MAU2: variants seen among roughly 807,000 people sequenced by gnomAD.
The protein encoded by MAU2 is MAU2 chromatid cohesion factor homolog.
Under a neutral mutation model 89.1 loss-of-function variants are expected in MAU2, and 9 were observed. The observed-to-expected ratio is 0.10, with a 90% CI of 0.06 to 0.18. The LOEUF is 0.18. Among genes scored for constraint, MAU2 ranks in the 10% least tolerant of loss-of-function variants. The pLI is 1.00. For missense variants in MAU2, 425 were observed against 803.5 expected, an observed-to-expected ratio of 0.53 and a Z score of 5.69; for synonymous variants, 357 against 343.4, an observed-to-expected ratio of 1.04 and a Z score of -0.44.
intron 1 of MAU2, among the ~76,000 whole-genome samples, chr19:19,327,482 C>T (rs1024235658): frequency 3.9e-5 from 6 of 152,002 alleles, no homozygotes; most frequent in Non-Finnish European, 5.9e-5. Context: ...CCTGCCACCA[C>T]GCCCGGCTAA....
In MAU2 at chr19:19,338,946, A is replaced by G; in HGVS notation, c.551+7A>G. ...TGGGATCTGAATACACACGGTAGGC[A>G]CCCACTCCCCTCCTTCCCTCCTGCT... On this transcript the variant is annotated splice_region_variant and intron_variant, in intron 5 of 18. Coordinates refer to ENST00000262815, the MANE Select transcript of MAU2 (RefSeq NM_015329.4). 1 of 1,607,984 alleles carries G rather than the reference A, an allele frequency of 6.2e-7. No individual in the cohort carries two copies. The highest frequency in any genetic ancestry group is 8.5e-7 in the Non-Finnish European group (1 of 1,177,236).
intron 1 of MAU2, among the ~76,000 whole-genome samples, chr19:19,323,152 G>C (rs1442178540): frequency 6.6e-6 from 1 of 151,940 alleles, no homozygotes; most frequent in Non-Finnish European, 1.5e-5. Flanking sequence ...CTCCCAAAGT[G>C]CTGAGATTAC....
At chr19:19,325,681 G>A (rs925511595) in intron 1 of MAU2, among the ~76,000 whole-genome samples, 1 of 152,056 alleles carries the variant, frequency 6.6e-6, no homozygotes, top group Non-Finnish European at 1.5e-5. Flanking sequence ...GTTTCATCAT[G>A]TTAGTCAAGC....
chr19:19,334,418 G>A (rs554064000), intron 1 of MAU2: 23 of 985,614 alleles, frequency 2.3e-5, no homozygotes, highest in East Asian at 2.3e-4. Flanking sequence ...AGCTGCTCTC[G>A]ATGCAGCTCT....
rs531861540 is a variant in MAU2 at position 19,322,668 on chromosome 19, G to A, written c.276+1533G>A. 1.9e-4 allele frequency among the ~76,000 whole-genome samples: 29 copies of A among 149,610 alleles called. No homozygotes were observed. In the South Asian group the frequency reaches 3.2e-3, roughly 16 times the overall value. ...GGAGTCGTTTTTTTCTCACAGCAGC[G>A]CTGTGATCCTGTCAGACCCCTGCCT... is the stretch of plus-strand genomic sequence containing the variant. On this transcript the variant is annotated intron_variant, in intron 1 of 18. Transcript: ENST00000262815.
rs2061689799 is a variant in MAU2 at position 19,345,976 on chromosome 19, T to A, written c.1221+607T>A. ...ACAGGAAATGGAGGCTGTGGACACCTTTTTCCTGGTGGTGCCAGGAAGGGC... is the reference window on the plus strand; with the variant it reads ...ACAGGAAATGGAGGCTGTGGACACCATTTTCCTGGTGGTGCCAGGAAGGGC... On this transcript the variant is annotated intron_variant, in intron 12 of 18. Coordinates refer to ENST00000262815, the MANE Select transcript of MAU2 (RefSeq NM_015329.4). The surrounding 1 kb of genome is among the most constrained non-coding windows in gnomAD (Gnocchi z 4.9). 1.3e-5 allele frequency among the ~76,000 whole-genome samples: 2 copies of A among 152,058 alleles called. No individual in the cohort carries two copies. Among genetic ancestry groups the A allele is most frequent in the Non-Finnish European group, 2.9e-5 (2 of 67,996 alleles).
Position 19,345,300 on chromosome 19 carries a change from C to T in MAU2, c.1156-4C>T. On this transcript the variant is annotated splice_region_variant and splice_polypyrimidine_tract_variant and intron_variant, in intron 11 of 18. Coordinates refer to ENST00000262815, the MANE Select transcript of MAU2 (RefSeq NM_015329.4). This position sits in a 1 kb window ranked among gnomAD's most constrained non-coding sequence, Gnocchi z 4.9. Reference sequence around the variant, plus strand: ...GCCCTGATGACAACACCACCTTCTTCCAGGGCCTGTACTGTGTCTCTGTCA... The same window carrying T: ...GCCCTGATGACAACACCACCTTCTTTCAGGGCCTGTACTGTGTCTCTGTCA... 6 of 1,613,500 alleles carry T rather than the reference C, an allele frequency of 3.7e-6. No homozygotes were observed. Among genetic ancestry groups the T allele is most frequent in the Non-Finnish European group, 5.1e-6 (6 of 1,179,640 alleles).
intron 1 of MAU2, chr19:19,334,395 G>C: frequency 1.0e-6 from 1 of 985,800 alleles, no homozygotes; most frequent in Non-Finnish European, 1.2e-6. Context: ...CTGGCCCCCT[G>C]TGTCTTGGCA....
intron 10 of MAU2, 94 bp from the exon 11 acceptor site, chr19:19,344,755 G>A: frequency 9.8e-7 from 1 of 1,020,260 alleles, no homozygotes; most frequent in Non-Finnish European, 1.5e-6. Flanking sequence ...ACAGGACATG[G>A]GCTCACCCAC....
chr19:19,334,138 G>A (rs2146670986), intron 1 of MAU2: 1 of 983,536 alleles, frequency 1.0e-6, no homozygotes, highest in South Asian at 4.7e-5. Context: ...CTGCTCTTCT[G>A]TTGCATCACA....
intron 10 of MAU2, 193 bp from the exon 11 acceptor site, chr19:19,344,656 C>G: frequency 3.3e-6 from 2 of 606,462 alleles, no homozygotes; most frequent in Non-Finnish European, 5.9e-6. Flanking sequence ...GAGTAACAGA[C>G]AAGGGTCCCT....
intron 5 of MAU2, among the ~76,000 whole-genome samples, chr19:19,340,365 C>T (rs1245523714): frequency 6.6e-6 from 1 of 150,668 alleles, no homozygotes; most frequent in Non-Finnish European, 1.5e-5. Flanking sequence ...ACAGGCCGGG[C>T]GCGGTGGCTC....
intron 16 of MAU2, chr19:19,353,655 C>T (rs1364055841): frequency 6.6e-6 from 1 of 152,494 alleles, no homozygotes; most frequent in Non-Finnish European, 1.5e-5. Context: ...TCCAGGCTTA[C>T]AGGGCTTTGA....
intron 4 of MAU2, among the ~76,000 whole-genome samples, chr19:19,337,936 G>A (rs1011079642): frequency 6.6e-6 from 1 of 152,172 alleles, no homozygotes; most frequent in Non-Finnish European, 1.5e-5. Context: ...CACCACGTGG[G>A]GCACCTCTCC....
intron 9 of MAU2, 41 bp downstream of exon 9, chr19:19,342,907 C>A: frequency 6.2e-7 from 1 of 1,605,344 alleles, no homozygotes; most frequent in South Asian, 1.1e-5. Flanking sequence ...CACAGCGACC[C>A]CTGGCGGACG....
At chr19:19,348,587 A>G (rs1195891010) in intron 13 of MAU2, 1 of 545,388 alleles carries the variant, frequency 1.8e-6, no homozygotes, top group Non-Finnish European at 3.3e-6. Flanking sequence ...CAGCCTGCCA[A>G]CCTACCCACT....
At chr19:19,340,654 TAAATA>T (rs1269037020) in intron 5 of MAU2, among the ~76,000 whole-genome samples, 187 bp from the exon 6 acceptor site, 1 of 151,852 alleles carries the variant, frequency 6.6e-6, no homozygotes, top group Non-Finnish European at 1.5e-5. Context: ...AATAAATAAA[TAAATA>T]AAAATAAAAA....
intron 13 of MAU2, 60 bp downstream of exon 13, chr19:19,347,426 C>T (rs1759546725): frequency 2.1e-6 from 3 of 1,402,878 alleles, no homozygotes; most frequent in Non-Finnish European, 3.0e-6. Context: ...TTTGGGGAAC[C>T]AGGGGGTTGT....
chr19:19,329,774 A>G (rs567136275), intron 1 of MAU2, among the ~76,000 whole-genome samples: 8 of 151,644 alleles, frequency 5.3e-5, no homozygotes, highest in Admixed American at 2.0e-4. Context: ...CCTGGGCAAC[A>G]TAGCCAGACC....
Sources: gnomAD v4.1 joint callset for allele counts (sites outside exome capture counted in the v4.1 genomes callset) on GRCh38, gnomAD v4.1.1 for gene constraint, Gnocchi (gnomAD v3.1) non-coding constraint, MANE v1.5 for transcripts, NCBI Gene and HGNC (gene_info 2026-07-23, HGNC 2026-07-21) for gene names.